CSMD1: variants seen among roughly 807,000 people sequenced by gnomAD.
CSMD1 encodes CUB and sushi domain-containing protein 1.
Under a neutral mutation model 417.5 loss-of-function variants are expected in CSMD1, and 213 were observed. That is an observed-to-expected ratio of 0.51 (90% CI 0.46 to 0.57). CSMD1 has a LOEUF of 0.57. Ranked by LOEUF, CSMD1 falls within the 20% of genes least tolerant of loss-of-function variation. The pLI is 0.00. For missense variants in CSMD1, 6,923 were observed against 4,529.7 expected (o/e 1.53, Z -15.17); for synonymous variants, 2,862 against 1,736.8 (o/e 1.65, Z -16.11).
Position 3,627,375 on chromosome 8 carries a change from G to C in CSMD1, c.1010-10578C>G, listed in dbSNP as rs182960684. On this transcript the variant is annotated intron_variant, in intron 7 of 69. Transcript: ENST00000635120. ...AATTTCACAGATCATGAATTATTAAGTTATATATATCCTTAAAGAAATCAC... is the reference window on the plus strand; with the variant it reads ...AATTTCACAGATCATGAATTATTAACTTATATATATCCTTAAAGAAATCAC... Among the ~76,000 whole-genome samples the C allele has an allele frequency of 3.4e-3, 525 of 152,210 alleles. 2 individuals are homozygous for C. Among genetic ancestry groups the C allele is most frequent in the Non-Finnish European group, 6.0e-3 (406 of 68,008 alleles).
intron 2 of CSMD1, among the ~76,000 whole-genome samples, chr8:4,589,772 C>A (rs1799892585): frequency 6.6e-6 from 1 of 152,272 alleles, no homozygotes; most frequent in Non-Finnish European, 1.5e-5. Context: ...TAGTTGCCAA[C>A]TTGGGAAAAA....
At chr8:3,738,263 G>C (rs1796624316) in intron 6 of CSMD1, among the ~76,000 whole-genome samples, 1 of 152,170 alleles carries the variant, frequency 6.6e-6, no homozygotes, top group Non-Finnish European at 1.5e-5. Context: ...ACAGAAAATA[G>C]CGACGATCAC....
chr8:4,007,444 C>G (rs958355408), intron 4 of CSMD1, among the ~76,000 whole-genome samples: 2 of 152,322 alleles, frequency 1.3e-5, no homozygotes, highest in African/African-American at 4.8e-5. Context: ...CTGAGAAGCA[C>G]ATCTCCCTGT....
intron 5 of CSMD1, among the ~76,000 whole-genome samples, chr8:3,997,012 T>G (rs1026477105): frequency 1.3e-5 from 2 of 152,198 alleles, no homozygotes; most frequent in Non-Finnish European, 2.9e-5. Flanking sequence ...TATTCCCCTC[T>G]TCCTACTCAT....
chr8:4,346,595 T>G (rs1489740087), intron 3 of CSMD1, among the ~76,000 whole-genome samples: 1 of 152,218 alleles, frequency 6.6e-6, no homozygotes, highest in African/African-American at 2.4e-5. Context: ...CTGATTTCAT[T>G]TCAATCTTCA....
chr8:4,355,106 C>G (rs1444820515), intron 3 of CSMD1, among the ~76,000 whole-genome samples: 1 of 151,664 alleles, frequency 6.6e-6, no homozygotes, highest in South Asian at 2.1e-4. Context: ...ACTAAAAAGA[C>G]AAAAAATTAG....
intron 2 of CSMD1, among the ~76,000 whole-genome samples, chr8:4,577,380 C>T (rs1194953158): frequency 6.6e-6 from 1 of 152,158 alleles, no homozygotes; most frequent in Non-Finnish European, 1.5e-5. Context: ...ACCTGTGGCA[C>T]ATTTCTTTCC....
At chr8:3,441,985 G>A (rs1328092495) in intron 12 of CSMD1, among the ~76,000 whole-genome samples, 3 of 151,952 alleles carry the variant, frequency 2.0e-5, no homozygotes, top group Admixed American at 1.3e-4. Flanking sequence ...AGATGTGGAG[G>A]CGGAAGACAG....
chr8:3,330,204 T>C (rs1038000927), intron 23 of CSMD1, among the ~76,000 whole-genome samples: 4 of 152,194 alleles, frequency 2.6e-5, no homozygotes, highest in Admixed American at 6.5e-5. Context: ...TCATTTCATT[T>C]TCTTAGAAAC....
At chr8:4,003,209 T>C (rs1160607588) in intron 4 of CSMD1, among the ~76,000 whole-genome samples, 1 of 151,986 alleles carries the variant, frequency 6.6e-6, no homozygotes, top group African/African-American at 2.4e-5. Context: ...CTGGCTAACA[T>C]GGTGAAACCC....
At chr8:3,920,968 G>A (rs1009200089) in intron 5 of CSMD1, among the ~76,000 whole-genome samples, 4 of 152,072 alleles carry the variant, frequency 2.6e-5, no homozygotes, top group Non-Finnish European at 5.9e-5. Context: ...TGACATGAGG[G>A]TACTGCTGGC....
chr8:3,052,567 A>G lies in CSMD1; in HGVS notation c.7555T>C (p.Tyr2519His). ...AGCTTGAAGCCCTCATGACATTCAT[A>G]GACCACTTTACTGTCCAAAGTGAAC... is the stretch of plus-strand genomic sequence containing the variant. ...NEFTLDSKVVYECHEGFKLES... is the reference protein window; with the variant it reads ...NEFTLDSKVVHECHEGFKLES... The change falls in exon 50 of 70, where the codon TAT becomes CAT. Residue 2519 changes from tyrosine (Y) to histidine (H), a missense_variant. By Grantham distance (83) the Tyr-to-His change is moderately conservative. Transcript: ENST00000635120. 2 of 1,610,924 alleles carry G rather than the reference A, an allele frequency of 1.2e-6. No homozygotes were observed. Among genetic ancestry groups the G allele is most frequent in the Non-Finnish European group, 1.7e-6 (2 of 1,178,594 alleles).
At chr8:4,124,678 A>C (rs1386360764) in intron 3 of CSMD1, among the ~76,000 whole-genome samples, 1 of 152,198 alleles carries the variant, frequency 6.6e-6, no homozygotes, top group South Asian at 2.1e-4. Flanking sequence ...ATCTGGCTGG[A>C]CTTCCTAGGT....
intron 10 of CSMD1, among the ~76,000 whole-genome samples, chr8:3,514,488 G>A (rs1473627002): frequency 6.6e-6 from 1 of 152,064 alleles, no homozygotes; most frequent in East Asian, 1.9e-4. Flanking sequence ...TTCAATTTTT[G>A]GAATTGACTA....
chr8:4,110,201 A>T (rs1054303813), intron 3 of CSMD1, among the ~76,000 whole-genome samples: 2 of 152,170 alleles, frequency 1.3e-5, no homozygotes, highest in Non-Finnish European at 2.9e-5. Context: ...TAAAATTTAA[A>T]ATCTAGAGAA....
chr8:3,448,046 G>C (rs62505624), intron 12 of CSMD1, among the ~76,000 whole-genome samples: 29,412 of 151,810 alleles, frequency 0.19, 3,097 homozygotes, highest in African/African-American at 0.27. Context: ...CAAGCCTCTT[G>C]TGTCATACAC....
intron 41 of CSMD1, among the ~76,000 whole-genome samples, chr8:3,132,413 A>G (rs1817839010): frequency 6.6e-6 from 1 of 152,160 alleles, no homozygotes; most frequent in Non-Finnish European, 1.5e-5. Context: ...GACCTTCACA[A>G]GTTATAAAAT....
intron 41 of CSMD1, among the ~76,000 whole-genome samples, chr8:3,133,601 C>T (rs983666215): frequency 6.6e-6 from 1 of 152,100 alleles, no homozygotes; most frequent in African/African-American, 2.4e-5. Flanking sequence ...TATGGCTGGG[C>T]TTTAGGGCTG....
At chr8:4,351,749 C>G (rs577363284) in intron 3 of CSMD1, among the ~76,000 whole-genome samples, 3 of 152,236 alleles carry the variant, frequency 2.0e-5, no homozygotes, top group Non-Finnish European at 2.9e-5. Flanking sequence ...TTGAGCAAGA[C>G]CCACTTGAGA....
Sources: gnomAD v4.1 joint callset for allele counts (sites outside exome capture counted in the v4.1 genomes callset) on GRCh38, gnomAD v4.1.1 for gene constraint, MANE v1.5 for transcripts, NCBI Gene and HGNC (gene_info 2026-07-23, HGNC 2026-07-21) for gene names.